SLC4A11: variants seen among roughly 807,000 people sequenced by gnomAD.
The protein encoded by SLC4A11 is bicarbonate transporter related protein 1.
Under a neutral mutation model 95.0 loss-of-function variants are expected in SLC4A11, and 74 were observed. That is an observed-to-expected ratio of 0.78 (90% CI 0.65 to 0.95). SLC4A11 has a LOEUF of 0.95. Ranked by LOEUF, SLC4A11 falls within the 40% of genes least tolerant of loss-of-function variation. The pLI is 0.00. For missense variants in SLC4A11, 1,081 were observed against 1,192.4 expected (o/e 0.91, Z 1.38); for synonymous variants, 548 against 519.0 (o/e 1.06, Z -0.76).
In SLC4A11 at chr20:3,239,120, C is replaced by T. The variant is rs1251863618; in HGVS notation, c.18G>A (p.Arg6=). ...CGCACGGCTGCAGATGGAACACGCG[C>T]CTGGTGGCCGCGGCCATGGCACACT... MAAAT[R]RVFHLQPCEN... Residue 6 remains arginine (R), a synonymous_variant, in exon 1 of 20, where the codon AGG becomes AGA. Transcript: ENST00000642402. The T allele has an allele frequency of 1.4e-6, 2 of 1,477,988 alleles. No individual in the cohort carries two copies. Among genetic ancestry groups the T allele is most frequent in the Non-Finnish European group, 1.8e-6 (2 of 1,119,154 alleles). 91.6% of individuals were successfully genotyped at this position (1,477,988 alleles called of 1,614,324 possible).
At chr20:3,238,409 G>A (rs896532777) in intron 1 of SLC4A11, 115 of 1,066,124 alleles carry the variant, frequency 1.1e-4, no homozygotes, top group Non-Finnish European at 1.2e-4. Context: ...GGCGGGAGCC[G>A]GGGCTGCATC....
chr20:3,229,158 A>G lies in SLC4A11; in HGVS notation c.1955T>C (p.Leu652Pro), dbSNP rs1480612662. 66 of 1,611,218 alleles carry G rather than the reference A, an allele frequency of 4.1e-5. No homozygotes were observed. Among genetic ancestry groups the G allele is most frequent in the Non-Finnish European group, 5.4e-5 (64 of 1,179,738 alleles). ...VSGAMGLGFL[L>P]SMLFFIEQNL... is the part of the protein sequence containing the mutation. Reference sequence around the variant, plus strand: ...CTGCTCGATGAAGAAGAGCATGGACAGCAGGAAGCCGAGGCCCATGGCACC... The same window carrying G: ...CTGCTCGATGAAGAAGAGCATGGACGGCAGGAAGCCGAGGCCCATGGCACC... The change falls in exon 16 of 20, where the codon CTG becomes CCG. Residue 652 changes from leucine to proline, a missense_variant. Physicochemically the swap from Leu to Pro is moderately conservative, Grantham distance 98. Coordinates refer to ENST00000642402, the MANE Select transcript of SLC4A11 (RefSeq NM_001174089.2).
chr20:3,232,439 C>T (rs955178095), intron 7 of SLC4A11, among the ~76,000 whole-genome samples: 1 of 152,262 alleles, frequency 6.6e-6, no homozygotes, highest in African/African-American at 2.4e-5. Flanking sequence ...GTGGCTCACG[C>T]CCATAATACC....
intron 7 of SLC4A11, among the ~76,000 whole-genome samples, chr20:3,232,930 G>A (rs1052668789): frequency 1.3e-5 from 2 of 152,112 alleles, no homozygotes; most frequent in Non-Finnish European, 2.9e-5. Context: ...CAGCACAGTT[G>A]CATTTGTGGA....
chr20:3,234,356 G>T lies in SLC4A11; in HGVS notation c.292-42C>A. The T allele has an allele frequency of 6.3e-7, 1 of 1,583,776 alleles. No homozygotes were observed. The highest frequency in any genetic ancestry group is 1.1e-5 in the South Asian group (1 of 90,306). ...GACAGAACCACACGGGCCCATGTATGAGATGCTGTCACTGCCTGGTCCCTC... is the reference window on the plus strand; with the variant it reads ...GACAGAACCACACGGGCCCATGTATTAGATGCTGTCACTGCCTGGTCCCTC... On this transcript the variant is annotated intron_variant, in intron 4 of 19. Coordinates refer to ENST00000642402, the MANE Select transcript of SLC4A11 (RefSeq NM_001174089.2). The surrounding 1 kb of genome is among the most constrained non-coding windows in gnomAD (Gnocchi z 5.8).
At chr20:3,237,988 G>T (rs3810562) in intron 1 of SLC4A11, 3 of 1,548,232 alleles carry the variant, frequency 1.9e-6, no homozygotes, top group Non-Finnish European at 2.6e-6. Flanking sequence ...CTCTCTCCTC[G>T]GATGCCAAGG....
At position 3,228,309 on chromosome 20, in the gene SLC4A11, G is replaced by C; in HGVS notation, c.2508C>G (p.Pro836=). The C allele has an allele frequency of 6.2e-7, 1 of 1,613,128 alleles. No homozygotes were observed. The highest frequency in any genetic ancestry group is 8.5e-7 in the Non-Finnish European group (1 of 1,179,962). ...TGAGGGGAAAGATCATCTTCATGTA[G>C]GGCAGGGAGCTCATGCCGAAGGCAC... The part of the protein sequence containing the change: ...LLCAFGMSSL[P]YMKMIFPLIM... Residue 836 remains proline (P), a synonymous_variant, in exon 19 of 20, where the codon CCC becomes CCG. Coordinates refer to ENST00000642402, the MANE Select transcript of SLC4A11 (RefSeq NM_001174089.2).
rs529968048 is a variant in SLC4A11, at chr20:3,231,302, C to G, written c.948+28G>C. 6.2e-7 allele frequency: 1 copy of G among 1,613,364 alleles called. No individual in the cohort carries two copies. On this transcript the variant is annotated intron_variant, in intron 8 of 19. Transcript: ENST00000642402. This position sits in a 1 kb window ranked among gnomAD's most constrained non-coding sequence, Gnocchi z 5.2. ...CCGGCCCATGCCCCCGCCGACCCTGCCGGCCCCCGCCGGCCTCTACCCTGT... is the reference window on the plus strand; with the variant it reads ...CCGGCCCATGCCCCCGCCGACCCTGGCGGCCCCCGCCGGCCTCTACCCTGT...
intron 1 of SLC4A11, chr20:3,238,659 G>C: frequency 1.0e-6 from 1 of 997,476 alleles, no homozygotes; most frequent in Non-Finnish European, 1.2e-6. Flanking sequence ...AACTCCAGGG[G>C]TTCCGGGGCT....
At chr20:3,239,386 G>C (rs1169190704), upstream of SLC4A11, 4 of 1,105,448 alleles carry the variant, frequency 3.6e-6, no homozygotes, top group Non-Finnish European at 4.4e-6. Flanking sequence ...GCTGCTCCCC[G>C]CCGCCCGCAG....
At chr20:3,237,737 G>A in intron 1 of SLC4A11, 149 bp from the exon 2 acceptor site, 3 of 1,613,738 alleles carry the variant, frequency 1.9e-6, no homozygotes, top group Non-Finnish European at 2.5e-6. Flanking sequence ...GGGAAGCAGG[G>A]GACAGTGCTC....
rs981947750 is a variant in SLC4A11 at position 3,231,737 on chromosome 20, C to T, written c.730-189G>A. Among the ~76,000 whole-genome samples, 1 of 152,206 alleles carries T rather than the reference C, an allele frequency of 6.6e-6. No individual in the cohort carries two copies. The highest frequency in any genetic ancestry group is 6.5e-5 in the Admixed American group (1 of 15,286). Reference sequence around the variant, plus strand: ...GCACACTCACGGCTTATCGTAGCCTCGACCTCCCGGGCTCAAGTGATTCTC... The same window carrying T: ...GCACACTCACGGCTTATCGTAGCCTTGACCTCCCGGGCTCAAGTGATTCTC... On this transcript the variant is annotated intron_variant, in intron 7 of 19. Transcript: ENST00000642402. This position sits in a 1 kb window ranked among gnomAD's most constrained non-coding sequence, Gnocchi z 5.2.
At chr20:3,237,734 A>AG in intron 1 of SLC4A11, 146 bp from the exon 2 acceptor site, 1 of 1,613,804 alleles carries the variant, frequency 6.2e-7, no homozygotes, top group Non-Finnish European at 8.5e-7. Context: ...AAAGGGAAGC[A>AG]GGGGACAGTG....
Position 3,233,975 on chromosome 20 carries a change from C to A in SLC4A11, c.551G>T (p.Gly184Val). 6.2e-7 allele frequency: 1 copy of A among 1,613,908 alleles called. No homozygotes were observed. The highest frequency in any genetic ancestry group is 8.5e-7 in the Non-Finnish European group (1 of 1,180,020). ...CACCCCTGTCACTGTGGCGGTGACCCCTTGGATGGTATCTGACAGCAGGTG... is the reference window on the plus strand; with the variant it reads ...CACCCCTGTCACTGTGGCGGTGACCACTTGGATGGTATCTGACAGCAGGTG... ...KVHLLSDTIQ[G>V]VTATVTGVRY... The change falls in exon 6 of 20, where the codon GGG becomes GTG. Residue 184 changes from glycine to valine, a missense_variant. Physicochemically the swap from Gly to Val is moderately radical, Grantham distance 109. Transcript: ENST00000642402.
At position 3,230,242 on chromosome 20, in the gene SLC4A11, G is replaced by GAT; in HGVS notation, c.1432_1433dup (p.Ala479SerfsTer140). The GAT allele has an allele frequency of 1.9e-6, 3 of 1,613,576 alleles. No homozygotes were observed. Among genetic ancestry groups the GAT allele is most frequent in the Non-Finnish European group, 2.5e-6 (3 of 1,180,014 alleles). ...CAAACGTGATGGAAATGAAGAGGGC[G>GAT]ATGATCTCCTCCGTCGACCTGCCAG... On this transcript the variant is annotated frameshift_variant, in exon 13 of 20. Coordinates refer to ENST00000642402, the MANE Select transcript of SLC4A11 (RefSeq NM_001174089.2). LOFTEE classifies it high-confidence loss of function.
rs757096462 is a variant in SLC4A11 at position 3,228,918 on chromosome 20, G to A, written c.2112C>T (p.Ala704=). The change falls in exon 17 of 20, where the codon GCC becomes GCT. Residue 704 remains alanine (A), a synonymous_variant. Coordinates refer to ENST00000642402, the MANE Select transcript of SLC4A11 (RefSeq NM_001174089.2). ...LSLFGLPWIH[A]AYPHSPLHVR... The stretch of plus-strand genomic sequence containing the variant: ...CGTGCAGCGGGGAGTGGGGGTAGGC[G>A]GCATGGATCCAAGGCAGCCCAAACA... 55 of 1,613,950 alleles carry A rather than the reference G, an allele frequency of 3.4e-5. No homozygotes were observed. The South Asian group carries it at 3.6e-4, about 11-fold the overall frequency.
In SLC4A11 at chr20:3,234,694, C is replaced by T. The variant is rs777207668; in HGVS notation, c.241+48G>A. 3 of 1,613,898 alleles carry T rather than the reference C, an allele frequency of 1.9e-6. No homozygotes were observed. The highest frequency in any genetic ancestry group is 2.2e-5 in the South Asian group (2 of 91,080). ...TTCTTAGTAAGGCGAGTCACACCTGCCCAGTCCCGTGCCTTCCCCCAGTCT... is the reference window on the plus strand; with the variant it reads ...TTCTTAGTAAGGCGAGTCACACCTGTCCAGTCCCGTGCCTTCCCCCAGTCT... On this transcript the variant is annotated intron_variant, in intron 3 of 19. Transcript: ENST00000642402. This position sits in a 1 kb window ranked among gnomAD's most constrained non-coding sequence, Gnocchi z 5.8.
Position 3,234,403 on chromosome 20 carries a change from T to TCCAGGCC in SLC4A11, c.292-90_292-89insGGCCTGG. Reference sequence around the variant, plus strand: ...CCTCCCTCCCAGCCAGCCGCAGCAGTCCAGCCCCCAGCCCCCAGCCCCCAG... The same window carrying TCCAGGCC: ...CCTCCCTCCCAGCCAGCCGCAGCAGTCCAGGCCCCAGCCCCCAGCCCCCAGCCCCCAG... On this transcript the variant is annotated intron_variant, in intron 4 of 19. Transcript: ENST00000642402. The surrounding 1 kb of genome is among the most constrained non-coding windows in gnomAD (Gnocchi z 5.8). The TCCAGGCC allele has an allele frequency of 7.5e-7, 1 of 1,338,894 alleles. No individual in the cohort carries two copies. Among genetic ancestry groups the TCCAGGCC allele is most frequent in the South Asian group, 1.2e-5 (1 of 84,318 alleles). The allele number at this position is 1,338,894 out of a possible 1,614,324, so 82.9% of individuals were successfully genotyped here. A position where few individuals can be genotyped will look rare whatever the true frequency, so the allele number is the denominator to read the frequency against.
At chr20:3,238,111 G>T (rs768426037) in intron 1 of SLC4A11, 1 of 1,455,886 alleles carries the variant, frequency 6.9e-7, no homozygotes, top group East Asian at 2.5e-5. Context: ...CGGGTCACAC[G>T]GGGGCCGACA....
Sources: gnomAD v4.1 joint callset for allele counts (sites outside exome capture counted in the v4.1 genomes callset) on GRCh38, gnomAD v4.1.1 for gene constraint, Gnocchi (gnomAD v3.1) non-coding constraint, MANE v1.5 for transcripts, NCBI Gene and HGNC (gene_info 2026-07-23, HGNC 2026-07-21) for gene names.